Variants in SOX18 observed in about 807,000 individuals in gnomAD.
SOX18 encodes transcription factor SOX-18.
SOX18 carries 2 observed loss-of-function variants against 9.1 expected under a neutral mutation model. The observed-to-expected ratio is 0.22, with a 90% confidence interval of 0.09 to 0.69. SOX18 has a LOEUF of 0.69. Ranked by LOEUF, SOX18 falls within the 30% of genes least tolerant of loss-of-function variation. The pLI, the probability that SOX18 is intolerant of heterozygous loss-of-function variation, is 0.80. For missense variants in SOX18, 542 were observed against 567.3 expected (o/e 0.96, Z 0.45); for synonymous variants, 292 against 280.5 (o/e 1.04, Z -0.41).
At position 64,048,492 on chromosome 20, in the gene SOX18, C is replaced by T; in HGVS notation, c.829G>A (p.Ala277Thr). 1.6e-6 allele frequency: 2 copies of T among 1,230,414 alleles called. No individual in the cohort carries two copies. The highest frequency in any genetic ancestry group is 2.0e-6 in the Non-Finnish European group (2 of 989,558). The allele number at this position is 1,230,414 out of a possible 1,614,324, so 76.2% of individuals were successfully genotyped here. ...AEALRTAPPA[A>T]PLAGLYYGTL... ...CCGTAGTACAGGCCAGCGAGCGGCGCCGCGGGGGGCGCGGTCCTGAGCGCC... is the reference window on the plus strand; with the variant it reads ...CCGTAGTACAGGCCAGCGAGCGGCGTCGCGGGGGGCGCGGTCCTGAGCGCC... Residue 277 changes from alanine (A) to threonine (T), a missense_variant, in exon 2 of 2, where the codon GCG becomes ACG. Physicochemically the swap from Ala to Thr is moderately conservative, Grantham distance 58 (BLOSUM62 0). Coordinates refer to ENST00000340356, the MANE Select transcript of SOX18 (RefSeq NM_018419.3).
chr20:64,049,441 G>A lies in SOX18; in HGVS notation c.76C>T (p.His26Tyr). Residue 26 changes from histidine to tyrosine, a missense_variant, in exon 1 of 2, where the codon CAC becomes TAC. Transcript: ENST00000340356. ...CCGCGCGTGTCAGCGGCGGCCCCGT[G>A]TCCCGGGGCCCATGCACAGTCGCGG... ...ARRDCAWAPG[H>Y]GAAADTRGLA... 3 of 1,011,988 alleles carry A rather than the reference G, an allele frequency of 3.0e-6. No individual in the cohort carries two copies. The highest frequency in any genetic ancestry group is 3.5e-6 in the Non-Finnish European group (3 of 848,926). 62.7% of individuals were successfully genotyped at this position (1,011,988 alleles called of 1,614,324 possible).
Position 64,048,251 on chromosome 20 carries a change from A to T in SOX18, c.1070T>A (p.Met357Lys). ...CAGGCTGCTCTCCTCTGGGCAGGAC[A>T]TGGCGCGCGGGCCCAGTTTGGCCAG... ...VALAKLGPRAMSCPEESSLIS... is the reference protein window; with the variant it reads ...VALAKLGPRAKSCPEESSLIS... Residue 357 changes from methionine (M) to lysine (K), a missense_variant, in exon 2 of 2, where the codon ATG becomes AAG. Transcript: ENST00000340356. The T allele has an allele frequency of 6.3e-7, 1 of 1,593,398 alleles. No homozygotes were observed. The highest frequency in any genetic ancestry group is 8.5e-7 in the Non-Finnish European group (1 of 1,171,254).
chr20:64,048,331 G>A lies in SOX18; in HGVS notation c.990C>T (p.Tyr330=). ...CGGGCCGAGTCCGGCTGCAGTTGAG[G>A]TACTGGTCGAACTCGGTGAGGTCCA... ...ADVDLTEFDQ[Y]LNCSRTRPDA... The change falls in exon 2 of 2, where the codon TAC becomes TAT. Residue 330 remains tyrosine (Y), a synonymous_variant. Coordinates refer to ENST00000340356, the MANE Select transcript of SOX18 (RefSeq NM_018419.3). 2 of 1,591,548 alleles carry A rather than the reference G, an allele frequency of 1.3e-6. No individual in the cohort carries two copies. The highest frequency in any genetic ancestry group is 1.7e-6 in the Non-Finnish European group (2 of 1,170,718).
chr20:64,049,086 G>GGC, intron 1 of SOX18, 73 bp downstream of exon 1: 9 of 831,884 alleles, frequency 1.1e-5, no homozygotes, highest in Non-Finnish European at 1.4e-5. Flanking sequence ...CGGGACCCCT[G>GGC]CCCCCCCCGC....
Position 64,048,175 on chromosome 20 carries a change from G to A in SOX18, c.1146C>T (p.Ile382=). 1 of 1,551,696 alleles carries A rather than the reference G, an allele frequency of 6.4e-7. No homozygotes were observed. Among genetic ancestry groups the A allele is most frequent in the Non-Finnish European group, 8.7e-7 (1 of 1,152,334 alleles). The part of the protein sequence containing the change: ...ASSAVYYSAC[I]SG Reference sequence around the variant, plus strand: ...GGGCGGCGCCGGCGGCCTAGCCGGAGATGCACGCGCTGTAATAGACCGCGC... The same window carrying A: ...GGGCGGCGCCGGCGGCCTAGCCGGAAATGCACGCGCTGTAATAGACCGCGC... Residue 382 remains isoleucine (I), a synonymous_variant, in exon 2 of 2, where the codon ATC becomes ATT. Coordinates refer to ENST00000340356, the MANE Select transcript of SOX18 (RefSeq NM_018419.3).
chr20:64,048,252 T>C lies in SOX18; in HGVS notation c.1069A>G (p.Met357Val), dbSNP rs781457379. Reference protein sequence around the residue: ...VALAKLGPRAMSCPEESSLIS... With the variant: ...VALAKLGPRAVSCPEESSLIS... ...AGGCTGCTCTCCTCTGGGCAGGACA[T>C]GGCGCGCGGGCCCAGTTTGGCCAGT... The change falls in exon 2 of 2, where the codon ATG becomes GTG. Residue 357 changes from methionine (M) to valine (V), a missense_variant. Transcript: ENST00000340356. The C allele has an allele frequency of 1.5e-5, 24 of 1,593,296 alleles. No homozygotes were observed. Among genetic ancestry groups the C allele is most frequent in the Non-Finnish European group, 2.0e-5 (23 of 1,171,292 alleles).
Position 64,049,288 on chromosome 20 carries a change from G to A in SOX18, c.229C>T (p.Arg77Cys). 6.7e-7 allele frequency: 1 copy of A among 1,497,688 alleles called. No individual in the cohort carries two copies. Among genetic ancestry groups the A allele is most frequent in the Non-Finnish European group, 9.0e-7 (1 of 1,114,988 alleles). The allele number at this position is 1,497,688 out of a possible 1,614,324, so 92.8% of individuals were successfully genotyped here. ...ATGCGCGACTCGTCTGCCGCCTGGC[G>A]TTCCCCGCGGCCGGCCGGGCTGAGG... ...YGLSPAGRGE[R>C]QAADESRIRR... Residue 77 changes from arginine (R) to cysteine (C), a missense_variant, in exon 1 of 2, where the codon CGC becomes TGC. Coordinates refer to ENST00000340356, the MANE Select transcript of SOX18 (RefSeq NM_018419.3).
In SOX18 at chr20:64,048,078, T is replaced by A. The variant is rs1018241639; in HGVS notation, c.*88A>T. ...ACATGGAACCAAACATACACGCGTA[T>A]GAGAGAGCAGAGCGGCAGCGACGCG... On this transcript the variant is annotated 3_prime_UTR_variant, in exon 2 of 2. Coordinates refer to ENST00000340356, the MANE Select transcript of SOX18 (RefSeq NM_018419.3). 5 of 1,249,302 alleles carry A rather than the reference T, an allele frequency of 4.0e-6. No homozygotes were observed. Among genetic ancestry groups the A allele is most frequent in the Non-Finnish European group, 5.6e-6 (5 of 888,386 alleles). The allele number at this position is 1,249,302 out of a possible 1,614,324, so 77.4% of individuals were successfully genotyped here.
At position 64,049,438 on chromosome 20, in the gene SOX18, C is replaced by A; in HGVS notation, c.79G>T (p.Gly27Trp). 1 of 923,190 alleles carries A rather than the reference C, an allele frequency of 1.1e-6. No individual in the cohort carries two copies. Among genetic ancestry groups the A allele is most frequent in the Non-Finnish European group, 1.3e-6 (1 of 772,968 alleles). 57.2% of individuals were successfully genotyped at this position (923,190 alleles called of 1,614,324 possible). Residue 27 changes from glycine (G) to tryptophan (W), a missense_variant, in exon 1 of 2, where the codon GGG becomes TGG. Transcript: ENST00000340356. ...AGGCCGCGCGTGTCAGCGGCGGCCC[C>A]GTGTCCCGGGGCCCATGCACAGTCG... Reference protein sequence around the residue: ...RRDCAWAPGHGAAADTRGLAA... With the variant: ...RRDCAWAPGHWAAADTRGLAA...
rs1347254661 is a variant in SOX18 at position 64,047,827 on chromosome 20, G to A, written c.*339C>T. Reference sequence around the variant, plus strand: ...AAAATATTAATACAATCTGGTTGTAGAAAATACACTGCAAGAAAAGGAGCA... The same window carrying A: ...AAAATATTAATACAATCTGGTTGTAAAAAATACACTGCAAGAAAAGGAGCA... On this transcript the variant is annotated 3_prime_UTR_variant, in exon 2 of 2. Coordinates refer to ENST00000340356, the MANE Select transcript of SOX18 (RefSeq NM_018419.3). The A allele has an allele frequency of 8.0e-6, 3 of 372,684 alleles. No individual in the cohort carries two copies. Among genetic ancestry groups the A allele is most frequent in the Non-Finnish European group, 1.5e-5 (3 of 205,146 alleles). 23.1% of individuals were successfully genotyped at this position (372,684 alleles called of 1,614,324 possible). A position where few individuals can be genotyped will look rare whatever the true frequency, so the allele number is the denominator to read the frequency against.
In SOX18 at chr20:64,049,298, G is replaced by A. The variant is rs867084142; in HGVS notation, c.219C>T (p.Gly73=). 2 of 1,484,504 alleles carry A rather than the reference G, an allele frequency of 1.3e-6. No homozygotes were observed. Among genetic ancestry groups the A allele is most frequent in the South Asian group, 1.2e-5 (1 of 85,200 alleles). The allele number at this position is 1,484,504 out of a possible 1,614,324, so 92.0% of individuals were successfully genotyped here. The change falls in exon 1 of 2, where the codon GGC becomes GGT. Residue 73 remains glycine, a synonymous_variant. Coordinates refer to ENST00000340356, the MANE Select transcript of SOX18 (RefSeq NM_018419.3). ...CGTCTGCCGCCTGGCGTTCCCCGCG[G>A]CCGGCCGGGCTGAGGCCATAGCGCC... is the stretch of plus-strand genomic sequence containing the variant. The part of the protein sequence containing the change: ...EPGRYGLSPA[G]RGERQAADES...
chr20:64,049,622 G>A lies in SOX18; in HGVS notation c.-106C>T. 1.4e-6 allele frequency: 1 copy of A among 713,668 alleles called. No individual in the cohort carries two copies. Among genetic ancestry groups the A allele is most frequent in the Non-Finnish European group, 1.7e-6 (1 of 579,548 alleles). The allele number at this position is 713,668 out of a possible 1,614,324, so 44.2% of individuals were successfully genotyped here. ...GGCAGGCCAGGCCGGGAGGGCGGAT[G>A]GCGGTGGGGACGGCGGTGGCCTCGG... On this transcript the variant is annotated 5_prime_UTR_variant, in exon 1 of 2. Coordinates refer to ENST00000340356, the MANE Select transcript of SOX18 (RefSeq NM_018419.3).
At position 64,048,214 on chromosome 20, in the gene SOX18, C is replaced by A; in HGVS notation, c.1107G>T (p.Leu369=). 6.3e-7 allele frequency: 1 copy of A among 1,580,760 alleles called. No individual in the cohort carries two copies. Among genetic ancestry groups the A allele is most frequent in the South Asian group, 1.1e-5 (1 of 87,058 alleles). ...AATAGACCGCGCTGCTGGCGTCCGA[C>A]AGCGCGGAGATCAGGCTGCTCTCCT... is the stretch of plus-strand genomic sequence containing the variant. ...CPEESSLISA[L]SDASSAVYYS... is the part of the protein sequence containing the mutation. Residue 369 remains leucine (L), a synonymous_variant, in exon 2 of 2, where the codon CTG becomes CTT. Transcript: ENST00000340356.
rs1298654362 is a variant in SOX18 at position 64,048,556 on chromosome 20, C to A, written c.765G>T (p.Ser255=). 1.9e-4 allele frequency: 232 copies of A among 1,223,294 alleles called. No individual in the cohort carries two copies. Among genetic ancestry groups the A allele is most frequent in the Non-Finnish European group, 2.2e-4 (214 of 984,180 alleles). The allele number at this position is 1,223,294 out of a possible 1,614,324, so 75.8% of individuals were successfully genotyped here. A position where few individuals can be genotyped will look rare whatever the true frequency, so the allele number is the denominator to read the frequency against. Residue 255 remains serine (S), a synonymous_variant, in exon 2 of 2, where the codon TCG becomes TCT. Transcript: ENST00000340356. The stretch of plus-strand genomic sequence containing the variant: ...CCCCGTAGCAACCGCCGGGGTCCCG[C>A]GACAACTCGGTGGGCGCGTAGGGCG... ...FRAPYAPTEL[S]RDPGGCYGAP...
chr20:64,048,419 G>T lies in SOX18; in HGVS notation c.902C>A (p.Pro301His). 6.8e-7 allele frequency: 1 copy of T among 1,460,066 alleles called. No homozygotes were observed. 90.4% of individuals were successfully genotyped at this position (1,460,066 alleles called of 1,614,324 possible). A position where few individuals can be genotyped will look rare whatever the true frequency, so the allele number is the denominator to read the frequency against. The stretch of plus-strand genomic sequence containing the variant: ...GGCGCTCTCCAGCGGCGGGGCCTCG[G>T]GCGGCGGCGACAGCGGGCCGGGGTA... ...GPYPGPLSPP[P>H]EAPPLESAEP... is the part of the protein sequence containing the mutation. Residue 301 changes from proline (P) to histidine (H), a missense_variant, in exon 2 of 2, where the codon CCC becomes CAC. Transcript: ENST00000340356.
chr20:64,048,196 C>T lies in SOX18; in HGVS notation c.1125G>A (p.Ala375=), dbSNP rs1226470155. 3.2e-6 allele frequency: 5 copies of T among 1,566,780 alleles called. No individual in the cohort carries two copies. Among genetic ancestry groups the T allele is most frequent in the South Asian group, 2.3e-5 (2 of 86,000 alleles). Residue 375 remains alanine (A), a synonymous_variant, in exon 2 of 2, where the codon GCG becomes GCA. Transcript: ENST00000340356. ...LISALSDASS[A]VYYSACISG ...CGGAGATGCACGCGCTGTAATAGAC[C>T]GCGCTGCTGGCGTCCGACAGCGCGG...
In SOX18 at chr20:64,047,861, A is replaced by T; in HGVS notation, c.*305T>A. On this transcript the variant is annotated 3_prime_UTR_variant, in exon 2 of 2. Transcript: ENST00000340356. ...CTGCAAGAAAAGGAGCAGGTGCTTCAAAAATGTAACCCTGGCAACTCTGCC... is the reference window on the plus strand; with the variant it reads ...CTGCAAGAAAAGGAGCAGGTGCTTCTAAAATGTAACCCTGGCAACTCTGCC... 1 of 477,342 alleles carries T rather than the reference A, an allele frequency of 2.1e-6. No individual in the cohort carries two copies. The highest frequency in any genetic ancestry group is 3.7e-6 in the Non-Finnish European group (1 of 268,244). The allele number at this position is 477,342 out of a possible 1,614,324, so 29.6% of individuals were successfully genotyped here. A position where few individuals can be genotyped will look rare whatever the true frequency, so the allele number is the denominator to read the frequency against.
rs1216782396 is a variant in SOX18 at position 64,048,442 on chromosome 20, G to A, written c.879C>T (p.Tyr293=). 155 of 1,377,884 alleles carry A rather than the reference G, an allele frequency of 1.1e-4. 1 individual carries two copies. Among genetic ancestry groups the A allele is most frequent in the Non-Finnish European group, 1.4e-4 (151 of 1,076,170 alleles). The allele number at this position is 1,377,884 out of a possible 1,614,324, so 85.4% of individuals were successfully genotyped here. A position where few individuals can be genotyped will look rare whatever the true frequency, so the allele number is the denominator to read the frequency against. The change falls in exon 2 of 2, where the codon TAC becomes TAT. Residue 293 remains tyrosine (Y), a synonymous_variant. Coordinates refer to ENST00000340356, the MANE Select transcript of SOX18 (RefSeq NM_018419.3). ...CGGGCGGCGGCGACAGCGGGCCGGG[G>A]TACGGGCCGGGCGTGCCCAGGGTGC... The part of the protein sequence containing the change: ...YYGTLGTPGP[Y]PGPLSPPPEA...
chr20:64,048,776 G>A lies in SOX18; in HGVS notation c.545C>T (p.Pro182Leu). 6.7e-7 allele frequency: 1 copy of A among 1,499,886 alleles called. No individual in the cohort carries two copies. The highest frequency in any genetic ancestry group is 8.8e-7 in the Non-Finnish European group (1 of 1,130,136). 92.9% of individuals were successfully genotyped at this position (1,499,886 alleles called of 1,614,324 possible). The change falls in exon 2 of 2, where the codon CCA (proline) becomes CTA (leucine). Residue 182 changes from proline to leucine, a missense_variant. Coordinates refer to ENST00000340356, the MANE Select transcript of SOX18 (RefSeq NM_018419.3). ...CGCCGCGGGGAAAGGCTCGGGCGGTGGCTGCGGGGGCGCTAATCCCGGGAG... is the reference window on the plus strand; with the variant it reads ...CGCCGCGGGGAAAGGCTCGGGCGGTAGCTGCGGGGGCGCTAATCCCGGGAG... ...LLLPGLAPPQ[P>L]PPEPFPAASG...
Sources: allele counts gnomAD v4.1 joint callset, GRCh38; gene constraint gnomAD v4.1.1; transcripts MANE v1.5; gene names NCBI Gene and HGNC (gene_info 2026-07-23, HGNC 2026-07-21).